CTNNA3: variants seen among roughly 807,000 people sequenced by gnomAD.
CTNNA3 encodes the protein catenin alpha-3.
CTNNA3 carries 76 observed loss-of-function variants against 95.7 expected under a neutral mutation model. That is an observed-to-expected ratio of 0.79 (90% CI 0.66 to 0.96). CTNNA3 has a LOEUF of 0.96. Among genes scored for constraint, CTNNA3 ranks in the 40% least tolerant of loss-of-function variants. The probability of loss-of-function intolerance (pLI) is 0.00; values close to 1 mark genes in which losing one functional copy is unlikely to be tolerated. For missense variants in CTNNA3, 1,191 were observed against 1,089.8 expected (o/e 1.09, Z -1.31); for synonymous variants, 431 against 374.4 (o/e 1.15, Z -1.74).
chr10:67,481,532 C>T (rs1015634172), intron 5 of CTNNA3, among the ~76,000 whole-genome samples: 7 of 152,086 alleles, frequency 4.6e-5, no homozygotes, highest in Admixed American at 6.6e-5. Context: ...TTTACAACTG[C>T]CCCACCCCAC....
At chr10:66,798,905 G>T (rs1841319221) in intron 7 of CTNNA3, among the ~76,000 whole-genome samples, 1 of 151,608 alleles carries the variant, frequency 6.6e-6, no homozygotes, top group Non-Finnish European at 1.5e-5. Flanking sequence ...ATCATCTATA[G>T]AACTGAAGGG....
chr10:66,764,788 G>A (rs1589229148), intron 9 of CTNNA3, among the ~76,000 whole-genome samples: 1 of 152,014 alleles, frequency 6.6e-6, no homozygotes. Flanking sequence ...AATCTTTCTG[G>A]AATGTGTAGA....
At chr10:66,513,383 T>C (rs972563974) in intron 11 of CTNNA3, among the ~76,000 whole-genome samples, 13 of 152,272 alleles carry the variant, frequency 8.5e-5, no homozygotes, top group African/African-American at 3.1e-4. Flanking sequence ...ATCAGTAGTA[T>C]CTATGGCTTC....
intron 7 of CTNNA3, among the ~76,000 whole-genome samples, chr10:67,109,059 G>T (rs1858791823): frequency 6.6e-6 from 1 of 152,000 alleles, no homozygotes. Context: ...TACCTATGTG[G>T]GTTAAAAAGC....
chr10:66,947,250 G>C (rs910986571), intron 7 of CTNNA3, among the ~76,000 whole-genome samples: 1 of 152,144 alleles, frequency 6.6e-6, no homozygotes, highest in Admixed American at 6.6e-5. Context: ...ATTACTCTCT[G>C]ATTACTCTCT....
chr10:66,068,248 T>G (rs1225661166), intron 15 of CTNNA3, among the ~76,000 whole-genome samples: 1 of 152,162 alleles, frequency 6.6e-6, no homozygotes, highest in Non-Finnish European at 1.5e-5. Flanking sequence ...TTGTCCATTC[T>G]TCCACTACAA....
intron 5 of CTNNA3, among the ~76,000 whole-genome samples, chr10:67,322,765 T>C (rs1404871161): frequency 6.6e-6 from 1 of 152,234 alleles, no homozygotes; most frequent in Admixed American, 6.5e-5. Flanking sequence ...GATCAAATGA[T>C]ATTTCTGTCT....
At chr10:66,003,329 G>GGTGTGTGTGTGT (rs376512211) in intron 15 of CTNNA3, among the ~76,000 whole-genome samples, 11 of 149,940 alleles carry the variant, frequency 7.3e-5, no homozygotes, top group African/African-American at 2.7e-4. Context: ...TGGTGGTGGT[G>GGTGTGTGTGTGT]GTGTGTGTGT....
At position 67,117,350 on chromosome 10, in the gene CTNNA3, T is replaced by C. The variant is rs556684483; in HGVS notation, c.1047+62967A>G. Among the ~76,000 whole-genome samples the C allele has an allele frequency of 7.9e-4, 120 of 152,180 alleles. 1 individual carries two copies. Among genetic ancestry groups the C allele is most frequent in the African/African-American group, 2.7e-3 (112 of 41,564 alleles). ...CACTTGCGATAGCTTCGCTGATGAA[T>C]AGGAATGTCAGCCAACATTCCATCT... On this transcript the variant is annotated intron_variant, in intron 7 of 17. Transcript: ENST00000433211.
intron 9 of CTNNA3, among the ~76,000 whole-genome samples, chr10:66,740,123 G>A (rs957092782): frequency 2.7e-4 from 41 of 152,262 alleles, no homozygotes; most frequent in Non-Finnish European, 5.4e-4. Context: ...AAACAAGAGC[G>A]GGGGACTTTA....
chr10:67,118,882 TATA>T (rs1356581289), intron 7 of CTNNA3, among the ~76,000 whole-genome samples: 3 of 151,900 alleles, frequency 2.0e-5, no homozygotes, highest in Non-Finnish European at 4.4e-5. Context: ...TGTAGAAATA[TATA>T]ATAACATTTT....
At chr10:66,081,981 G>A (rs2080782850) in intron 14 of CTNNA3, among the ~76,000 whole-genome samples, 1 of 152,034 alleles carries the variant, frequency 6.6e-6, no homozygotes, top group Non-Finnish European at 1.5e-5. Flanking sequence ...AGCTGGGCAT[G>A]GTGGTGGGTG....
At chr10:67,510,346 T>C (rs1363873928) in intron 5 of CTNNA3, among the ~76,000 whole-genome samples, 1 of 152,180 alleles carries the variant, frequency 6.6e-6, no homozygotes, top group Non-Finnish European at 1.5e-5. Context: ...CTTTAATTCA[T>C]CTTGAATTAA....
intron 1 of CTNNA3, among the ~76,000 whole-genome samples, chr10:67,741,309 TA>T (rs1841336747): frequency 1.5e-5 from 1 of 67,886 alleles, no homozygotes. Flanking sequence ...TAAAGTATAA[TA>T]ATAAAAAAAT....
chr10:66,048,717 T>C (rs927350770), intron 15 of CTNNA3, among the ~76,000 whole-genome samples: 2 of 152,042 alleles, frequency 1.3e-5, no homozygotes, highest in Non-Finnish European at 2.9e-5. Flanking sequence ...GCCAAGATCG[T>C]GCCACTGCAC....
intron 9 of CTNNA3, among the ~76,000 whole-genome samples, chr10:66,670,326 T>A (rs1846614744): frequency 1.3e-5 from 2 of 152,168 alleles, no homozygotes. Flanking sequence ...GGGCTCTTAT[T>A]TGAAGGTCTG....
At chr10:67,021,262 A>C (rs1392856578) in intron 7 of CTNNA3, among the ~76,000 whole-genome samples, 1 of 152,210 alleles carries the variant, frequency 6.6e-6, no homozygotes, top group African/African-American at 2.4e-5. Flanking sequence ...AGATATATAC[A>C]GAATATAGTA....
chr10:66,012,799 T>G (rs1047007388), intron 15 of CTNNA3, among the ~76,000 whole-genome samples: 4 of 152,214 alleles, frequency 2.6e-5, no homozygotes, highest in African/African-American at 9.6e-5. Flanking sequence ...GTTTTCTTTT[T>G]GCTAGATTGA....
At chr10:65,996,744 TCCCACACTGGGGTGACTCTCCAAGCTC>T (rs1238487292) in intron 15 of CTNNA3, among the ~76,000 whole-genome samples, 1 of 152,158 alleles carries the variant, frequency 6.6e-6, no homozygotes, top group African/African-American at 2.4e-5. Flanking sequence ...TATACCATTT[TCCCACACTGGGGTGACTCTCCAAGCTC>T]CCAGGTGATC....
Sources: gnomAD v4.1 joint callset for allele counts (sites outside exome capture counted in the v4.1 genomes callset) on GRCh38, gnomAD v4.1.1 for gene constraint, MANE v1.5 for transcripts, NCBI Gene and HGNC (gene_info 2026-07-23, HGNC 2026-07-21) for gene names.